CIT: variants seen among roughly 807,000 people sequenced by gnomAD.
The protein encoded by CIT is citron Rho-interacting kinase.
In CIT, 79 loss-of-function variants were observed where a neutral mutation model predicts 272.7. That is an observed-to-expected ratio of 0.29 (90% confidence interval 0.24 to 0.35). The LOEUF (loss-of-function observed/expected upper bound fraction) is 0.35, where lower values mean the gene tolerates loss of function less well. Ranked by LOEUF, CIT falls within the 10% of genes least tolerant of loss-of-function variation. CIT has a pLI of 1.00. For synonymous variants in CIT, 948 were observed against 995.6 expected (o/e 0.95, Z 0.90); for missense variants, 1,909 against 2,618.3 (o/e 0.73, Z 5.91).
chr12:119,858,538 G>A (rs1950237015), intron 3 of CIT, among the ~76,000 whole-genome samples: 1 of 151,712 alleles, frequency 6.6e-6, no homozygotes, highest in Non-Finnish European at 1.5e-5. Flanking sequence ...AAAGGCGTGG[G>A]GGCCAGGAGC....
rs1968836913 is a variant in CIT, at chr12:119,834,128, A to G, written c.617T>C (p.Ile206Thr). Residue 206 changes from isoleucine (I) to threonine (T), a missense_variant, in exon 6 of 48, where the codon ATT becomes ACT. This residue lies in a region of CIT where 529 missense variants were observed against 549.6 expected (regional missense o/e 0.96). Coordinates refer to ENST00000392521, the MANE Select transcript of CIT (RefSeq NM_001206999.2). The part of the protein sequence containing the change: ...NLIQFYLAEL[I>T]LAVHSVHLMG... ...CAGATGAACGCTGTGAACAGCCAAAATCAGCTCAGCTAGGTAAAACTGTAT... is the reference window on the plus strand; with the variant it reads ...CAGATGAACGCTGTGAACAGCCAAAGTCAGCTCAGCTAGGTAAAACTGTAT... 6.2e-7 allele frequency: 1 copy of G among 1,613,950 alleles called. No homozygotes were observed. The highest frequency in any genetic ancestry group is 2.2e-5 in the East Asian group (1 of 44,896).
intron 22 of CIT, among the ~76,000 whole-genome samples, chr12:119,752,486 A>C (rs1325666451): frequency 6.6e-6 from 1 of 152,226 alleles, no homozygotes. Flanking sequence ...CCTTACTTAC[A>C]TATATTCAAA....
chr12:119,735,117 A>G (rs1325594983), intron 25 of CIT, 43 bp downstream of exon 25: 1 of 1,599,054 alleles, frequency 6.3e-7, no homozygotes, highest in Non-Finnish European at 8.6e-7. Context: ...AAATCCTTCT[A>G]AAAGTCCTCC....
intron 24 of CIT, among the ~76,000 whole-genome samples, chr12:119,737,176 G>A (rs552866315): frequency 1.3e-4 from 19 of 151,750 alleles, no homozygotes; most frequent in African/African-American, 3.6e-4. Flanking sequence ...GCGTGGTGGC[G>A]GGCACCTGTA....
intron 13 of CIT, 76 bp from the exon 14 acceptor site, chr12:119,776,918 T>C: frequency 4.8e-6 from 7 of 1,462,254 alleles, no homozygotes; most frequent in Non-Finnish European, 5.7e-6. Context: ...GATGGAAGAG[T>C]ATTAACCACA....
intron 7 of CIT, among the ~76,000 whole-genome samples, chr12:119,828,868 A>C (rs1193353553): frequency 6.6e-6 from 1 of 152,176 alleles, no homozygotes; most frequent in African/African-American, 2.4e-5. Context: ...ACTCCTGGCC[A>C]ACTTAGTTAA....
intron 39 of CIT, among the ~76,000 whole-genome samples, chr12:119,709,245 A>G (rs1957031259): frequency 6.6e-6 from 1 of 152,186 alleles, no homozygotes; most frequent in Admixed American, 6.5e-5. Flanking sequence ...CATAGAATGT[A>G]TACCACCAAG....
chr12:119,705,133 G>A (rs1480275123), intron 40 of CIT, among the ~76,000 whole-genome samples: 1 of 152,062 alleles, frequency 6.6e-6, no homozygotes, highest in African/African-American at 2.4e-5. Context: ...GGCTGGTCTC[G>A]AACTCCTGGC....
chr12:119,776,364 C>T lies in CIT; in HGVS notation c.1881G>A (p.Leu627=). The T allele has an allele frequency of 6.2e-7, 1 of 1,613,022 alleles. No homozygotes were observed. Among genetic ancestry groups the T allele is most frequent in the Admixed American group, 1.7e-5 (1 of 59,976 alleles). ...GKPEVGEYAK[L]EKINAEQQLK... is the part of the protein sequence containing the mutation. Reference sequence around the variant, plus strand: ...CCAATCATGGAAAGTATACCTTCTCCAGTTTCGCATATTCTCCCACTTCAG... The same window carrying T: ...CCAATCATGGAAAGTATACCTTCTCTAGTTTCGCATATTCTCCCACTTCAG... Residue 627 remains leucine (L), a synonymous_variant, in exon 15 of 48, where the codon CTG becomes CTA. Transcript: ENST00000392521.
rs753571919 is a variant in CIT, at chr12:119,718,717, G to A, written c.3985C>T (p.Arg1329Trp). The A allele has an allele frequency of 2.6e-5, 42 of 1,613,558 alleles. No individual in the cohort carries two copies. Among genetic ancestry groups the A allele is most frequent in the Non-Finnish European group, 3.3e-5 (39 of 1,180,028 alleles). The change falls in exon 31 of 48, where the codon CGG (arginine) becomes TGG (tryptophan). Residue 1329 changes from arginine (R) to tryptophan (W), a missense_variant. Arg to Trp is a moderately radical substitution (Grantham distance 101). Around this residue, in one of 8 missense-constraint regions of CIT, gnomAD observed 780 missense variants for 1,067.2 expected, o/e 0.73. Coordinates refer to ENST00000392521, the MANE Select transcript of CIT (RefSeq NM_001206999.2). The surrounding 1 kb of genome is among the most constrained non-coding windows in gnomAD (Gnocchi z 4.8). ...CCCCTACCTTCCTCCCGGGCGGACC[G>A]GAGCTCGATGCGGGTCTTCTGAAGG... ...EALQKTRIELRSAREEAAHRK... is the reference protein window; with the variant it reads ...EALQKTRIELWSAREEAAHRK...
intron 2 of CIT, among the ~76,000 whole-genome samples, chr12:119,869,445 G>A (rs899558444): frequency 2.6e-5 from 4 of 152,172 alleles, no homozygotes; most frequent in Non-Finnish European, 5.9e-5. Context: ...GCACAAGCGT[G>A]GCCATTAACA....
intron 39 of CIT, among the ~76,000 whole-genome samples, chr12:119,708,735 G>A (rs754105221): frequency 1.4e-4 from 22 of 152,164 alleles, no homozygotes; most frequent in Admixed American, 2.0e-4. Context: ...TGATCTGCCC[G>A]CCTCAGCCTC....
chr12:119,833,530 C>T (rs1212624383), intron 6 of CIT, among the ~76,000 whole-genome samples: 5 of 151,644 alleles, frequency 3.3e-5, no homozygotes, highest in Admixed American at 2.0e-4. Flanking sequence ...CTGGGCATGG[C>T]GGTGCGTGCC....
chr12:119,707,158 ATC>A (rs926282593), intron 40 of CIT, among the ~76,000 whole-genome samples: 4 of 152,124 alleles, frequency 2.6e-5, no homozygotes, highest in Admixed American at 6.6e-5. Context: ...TTTAAGGTTC[ATC>A]TCTCTCTCAC....
At chr12:119,708,078 G>T in intron 40 of CIT, 101 bp downstream of exon 40, 1 of 1,271,688 alleles carries the variant, frequency 7.9e-7, no homozygotes, top group Non-Finnish European at 1.0e-6. Context: ...TGTTATTTAA[G>T]TTGACACTAT....
chr12:119,863,558 T>C (rs1288721542), intron 3 of CIT, among the ~76,000 whole-genome samples: 2 of 152,068 alleles, frequency 1.3e-5, no homozygotes, highest in African/African-American at 4.8e-5. Flanking sequence ...GACGGAGTCT[T>C]ACTCTGTTGC....
At chr12:119,721,727 T>C (rs187548206) in intron 28 of CIT, among the ~76,000 whole-genome samples, 3 of 152,200 alleles carry the variant, frequency 2.0e-5, no homozygotes, top group East Asian at 1.9e-4. Context: ...AGAGTTCCAA[T>C]TGAGGATATT....
chr12:119,826,149 C>T (rs1968139884), intron 7 of CIT, among the ~76,000 whole-genome samples: 2 of 152,070 alleles, frequency 1.3e-5, no homozygotes, highest in African/African-American at 4.8e-5. Context: ...TGGAAAACTG[C>T]CTTTGGAATT....
rs571757119 is a variant in CIT at position 119,864,587 on chromosome 12, C to T, written c.238+4473G>A. On this transcript the variant is annotated intron_variant, in intron 3 of 47. Coordinates refer to ENST00000392521, the MANE Select transcript of CIT (RefSeq NM_001206999.2). ...CCTGAGCTCAAAGATCTGCCCACCT[C>T]GGCCTCCCAGTGCTGGGATTACAGG... Among the ~76,000 whole-genome samples the T allele has an allele frequency of 6.6e-5, 10 of 152,320 alleles. No homozygotes were observed. In the South Asian group the frequency reaches 1.2e-3, roughly 19 times the overall value.
Sources: gnomAD v4.1 joint callset for allele counts (sites outside exome capture counted in the v4.1 genomes callset) on GRCh38, gnomAD v4.1.1 for gene constraint, gnomAD v4.1.1 regional missense constraint, Gnocchi (gnomAD v3.1) non-coding constraint, MANE v1.5 for transcripts, NCBI Gene and HGNC (gene_info 2026-07-23, HGNC 2026-07-21) for gene names.